Variants in CRPPA observed in about 807,000 individuals in gnomAD.
CRPPA encodes the protein CDP-L-ribitol pyrophosphorylase A.
In CRPPA, 43 loss-of-function variants were observed where a neutral mutation model predicts 52.0. The observed-to-expected ratio is 0.83, with a 90% CI of 0.65 to 1.07. The LOEUF (loss-of-function observed/expected upper bound fraction) is 1.07, where lower values mean the gene tolerates loss of function less well. Among genes scored for constraint, CRPPA ranks in the 50% least tolerant of loss-of-function variants. The probability of loss-of-function intolerance (pLI) is 0.00; values close to 1 mark genes in which losing one functional copy is unlikely to be tolerated. For missense variants in CRPPA, 629 were observed against 551.7 expected (o/e 1.14, Z -1.40); for synonymous variants, 250 against 203.5 (o/e 1.23, Z -1.94).
At chr7:16,283,171 C>T (rs1365853172) in intron 5 of CRPPA, among the ~76,000 whole-genome samples, 2 of 150,542 alleles carry the variant, frequency 1.3e-5, no homozygotes, top group African/African-American at 2.4e-5. Flanking sequence ...TATATAGAAC[C>T]TTTATAAATA....
At chr7:16,126,495 G>A (rs184017352) in intron 9 of CRPPA, among the ~76,000 whole-genome samples, 52 of 152,178 alleles carry the variant, frequency 3.4e-4, no homozygotes, top group African/African-American at 1.2e-3. Flanking sequence ...ATGAAAGGAA[G>A]TCAGTGAATT....
chr7:16,267,226 A>G (rs1783979314), intron 6 of CRPPA, among the ~76,000 whole-genome samples: 1 of 152,200 alleles, frequency 6.6e-6, no homozygotes, highest in African/African-American at 2.4e-5. Flanking sequence ...TACTGAGACC[A>G]TGTCAATGAC....
At chr7:16,302,165 G>T (rs967991978) in intron 4 of CRPPA, among the ~76,000 whole-genome samples, 1 of 151,744 alleles carries the variant, frequency 6.6e-6, no homozygotes. Context: ...GCGCGGTGGC[G>T]GGCGCCTGTA....
intron 2 of CRPPA, among the ~76,000 whole-genome samples, chr7:16,392,171 T>C (rs1787462789): frequency 1.3e-5 from 2 of 152,162 alleles, no homozygotes; most frequent in African/African-American, 4.8e-5. Flanking sequence ...TTTAGTACTA[T>C]AATATTTTAT....
intron 8 of CRPPA, among the ~76,000 whole-genome samples, chr7:16,250,749 G>A (rs1450337956): frequency 6.6e-6 from 1 of 152,088 alleles, no homozygotes; most frequent in Non-Finnish European, 1.5e-5. Flanking sequence ...AGGAACAACT[G>A]GTTACCAGCC....
At chr7:16,241,563 G>A (rs905261013) in intron 8 of CRPPA, among the ~76,000 whole-genome samples, 1 of 152,028 alleles carries the variant, frequency 6.6e-6, no homozygotes, top group African/African-American at 2.4e-5. Context: ...TAGATTTGTT[G>A]CCAATTTCTT....
chr7:16,303,362 C>T (rs1014851303), intron 4 of CRPPA, among the ~76,000 whole-genome samples: 1 of 150,414 alleles, frequency 6.6e-6, no homozygotes, highest in Middle Eastern at 3.2e-3. Flanking sequence ...GTTAGCTAAT[C>T]TGGAGGATAA....
intron 8 of CRPPA, among the ~76,000 whole-genome samples, chr7:16,226,272 G>GAACT (rs1782649978): frequency 6.6e-6 from 1 of 151,678 alleles, no homozygotes; most frequent in Non-Finnish European, 1.5e-5. Context: ...AATATATGAA[G>GAACT]AACTGTGCTA....
At chr7:16,147,405 C>T (rs569061309) in intron 9 of CRPPA, among the ~76,000 whole-genome samples, 3 of 152,246 alleles carry the variant, frequency 2.0e-5, no homozygotes, top group Non-Finnish European at 4.4e-5. Context: ...CCATCAGTAG[C>T]CTGATATAAT....
At chr7:16,269,432 C>G (rs1043414950) in intron 6 of CRPPA, 2 of 152,080 alleles carry the variant, frequency 1.3e-5, no homozygotes, top group Non-Finnish European at 2.9e-5. Flanking sequence ...CTAATCGTTT[C>G]AAGACATGTT....
At position 16,134,988 on chromosome 7, in the gene CRPPA, A is replaced by G. The variant is rs74219081; in HGVS notation, c.1252-43189T>C. 2.7e-4 allele frequency among the ~76,000 whole-genome samples: 41 copies of G among 152,282 alleles called. No homozygotes were observed. In the East Asian group the frequency reaches 6.9e-3, roughly 26 times the overall value. On this transcript the variant is annotated intron_variant, in intron 9 of 9. Transcript: ENST00000407010. ...GTTTTGTTGTCTGGATTTTTGTATC[A>G]TGTTTCCTTTAAGTGGAACACACTA...
chr7:16,103,826 T>G (rs1404561006), intron 9 of CRPPA, among the ~76,000 whole-genome samples: 1 of 152,218 alleles, frequency 6.6e-6, no homozygotes, highest in Non-Finnish European at 1.5e-5. Context: ...GAGTTACTTC[T>G]CTAGTTAATG....
At chr7:16,324,639 G>T (rs1006985245) in intron 3 of CRPPA, among the ~76,000 whole-genome samples, 2 of 151,784 alleles carry the variant, frequency 1.3e-5, no homozygotes, top group African/African-American at 4.8e-5. Context: ...GAAATAAATT[G>T]TACATTACCA....
intron 2 of CRPPA, among the ~76,000 whole-genome samples, chr7:16,395,143 A>C (rs943870841): frequency 6.6e-6 from 1 of 152,182 alleles, no homozygotes; most frequent in African/African-American, 2.4e-5. Context: ...CTCAAGTACC[A>C]GTAATAAGCC....
At chr7:16,411,745 C>A (rs4530922) in intron 1 of CRPPA, among the ~76,000 whole-genome samples, 3 of 151,816 alleles carry the variant, frequency 2.0e-5, no homozygotes, top group African/African-American at 7.3e-5. Context: ...ATATATACTT[C>A]AGCTGTTTAT....
At chr7:16,389,617 G>C (rs1011705726) in intron 2 of CRPPA, among the ~76,000 whole-genome samples, 2 of 151,940 alleles carry the variant, frequency 1.3e-5, no homozygotes, top group African/African-American at 4.8e-5. Flanking sequence ...CTGAAAAAGA[G>C]TGTTTGTGAA....
chr7:16,167,412 C>T (rs1222640748), intron 9 of CRPPA, among the ~76,000 whole-genome samples: 1 of 152,132 alleles, frequency 6.6e-6, no homozygotes, highest in Non-Finnish European at 1.5e-5. Context: ...TCAGAAGGTG[C>T]CTATATATAA....
chr7:16,243,713 C>T (rs566327788), intron 8 of CRPPA, among the ~76,000 whole-genome samples: 230 of 152,226 alleles, frequency 1.5e-3, no homozygotes, highest in African/African-American at 5.3e-3. Context: ...CGTCTGTAAT[C>T]CCAACACTTT....
At chr7:16,161,239 A>C (rs1335480909) in intron 9 of CRPPA, among the ~76,000 whole-genome samples, 1 of 152,156 alleles carries the variant, frequency 6.6e-6, no homozygotes, top group Admixed American at 6.6e-5. Flanking sequence ...GAGTGGTGAG[A>C]GAGGGTATCC....
Sources: allele counts gnomAD v4.1 joint callset (sites outside exome capture counted in the v4.1 genomes callset), GRCh38; gene constraint gnomAD v4.1.1; transcripts MANE v1.5; gene names NCBI Gene and HGNC (gene_info 2026-07-23, HGNC 2026-07-21).